ZNF765: variants seen among roughly 807,000 people sequenced by gnomAD.
ZNF765 encodes zinc finger protein 765.
In ZNF765, 37 loss-of-function variants were observed where a neutral mutation model predicts 44.7. The ratio of observed to expected loss-of-function variants is 0.83; its 90% CI spans 0.64 to 1.09. The LOEUF (loss-of-function observed/expected upper bound fraction) is 1.09, where lower values mean the gene tolerates loss of function less well. ZNF765 is among the 50% of genes least tolerant of loss of function. ZNF765 has a pLI of 0.00. For synonymous variants in ZNF765, 201 were observed against 213.7 expected, an observed-to-expected ratio of 0.94 and a Z score of 0.52; for missense variants, 594 against 626.1, an observed-to-expected ratio of 0.95 and a Z score of 0.55.
chr19:53,402,404 C>A (rs950977228), intron 3 of ZNF765, among the ~76,000 whole-genome samples: 5 of 151,756 alleles, frequency 3.3e-5, no homozygotes, highest in Non-Finnish European at 7.4e-5. Context: ...CTACAGGCAC[C>A]CACCAACATG....
At position 53,403,670 on chromosome 19, in the gene ZNF765, T is replaced by A. The variant is rs568857808; in HGVS notation, c.142+1479T>A. 2.6e-5 allele frequency among the ~76,000 whole-genome samples: 4 copies of A among 152,200 alleles called. No individual in the cohort carries two copies. In the East Asian group the frequency reaches 7.7e-4, roughly 29 times the overall value. On this transcript the variant is annotated intron_variant, in intron 3 of 3. Coordinates refer to ENST00000396408, the MANE Select transcript of ZNF765 (RefSeq NM_001040185.3). ...ACCAGCCTGCCTAACATGGCGAAACTCCGTCTCTACTAAAACACACAAATT... is the reference window on the plus strand; with the variant it reads ...ACCAGCCTGCCTAACATGGCGAAACACCGTCTCTACTAAAACACACAAATT...
intron 3 of ZNF765, among the ~76,000 whole-genome samples, chr19:53,422,794 C>T (rs2085914932): frequency 6.6e-6 from 1 of 152,122 alleles, no homozygotes; most frequent in Non-Finnish European, 1.5e-5. Flanking sequence ...TGAGAACTGA[C>T]AGAATGGCTG....
Position 53,402,184 on chromosome 19 carries a change from C to T in ZNF765, c.135C>T (p.Val45=), listed in dbSNP as rs185225041. ...DVMLENYRNL[V]SLDISSKCMM... ...TGCTGGAGAATTATAGGAACCTGGTCTCCCTGGGTGAGGATGACTTCCCTC... is the reference window on the plus strand; with the variant it reads ...TGCTGGAGAATTATAGGAACCTGGTTTCCCTGGGTGAGGATGACTTCCCTC... The change falls in exon 3 of 4, where the codon GTC becomes GTT. Residue 45 remains valine (V), a synonymous_variant. Coordinates refer to ENST00000396408, the MANE Select transcript of ZNF765 (RefSeq NM_001040185.3). 3.2e-3 allele frequency: 5,135 copies of T among 1,613,020 alleles called. 8 individuals carry two copies. The highest frequency in any genetic ancestry group is 4.1e-3 in the Non-Finnish European group (4,825 of 1,179,846).
At position 53,409,833 on chromosome 19, in the gene ZNF765, A is replaced by C. The variant is rs2085817098; in HGVS notation, c.*706A>C. ...TTTAGTCTGAAGTCATACCTTACGC[A>C]CCATCGTAGACTTCATACTGGAGAG... On this transcript the variant is annotated 3_prime_UTR_variant, in exon 4 of 4. Transcript: ENST00000396408. The C allele has an allele frequency of 1.6e-5, 11 of 684,214 alleles. No individual in the cohort carries two copies. The highest frequency in any genetic ancestry group is 2.5e-5 in the Non-Finnish European group (9 of 362,046). The allele number at this position is 684,214 out of a possible 1,614,324, so 42.4% of individuals were successfully genotyped here.
At chr19:53,415,546 T>G (rs1336845427), downstream of ZNF765, among the ~76,000 whole-genome samples, 1 of 143,556 alleles carries the variant, frequency 7.0e-6, no homozygotes, top group Admixed American at 7.5e-5. Context: ...TTTAAATATT[T>G]TATTACGTTT....
chr19:53,403,821 G>A (rs2085750833), intron 3 of ZNF765, among the ~76,000 whole-genome samples: 1 of 141,870 alleles, frequency 7.0e-6, no homozygotes. Context: ...CAGCCTGGGT[G>A]ACAGCACGAG....
downstream of ZNF765, among the ~76,000 whole-genome samples, chr19:53,414,612 G>T (rs1243910061): frequency 6.7e-6 from 1 of 150,234 alleles, no homozygotes; most frequent in Admixed American, 6.7e-5. Flanking sequence ...TTCTTTTCTG[G>T]CCTTCTACGG....
Position 53,409,040 on chromosome 19 carries a change from A to G in ZNF765, c.1485A>G (p.Lys495=). ...TTCATACTGGACAGAAACCTTACAA[A>G]TGTGAAGATTGTGATGAAGCTTTCA... ...HRLHTGQKPY[K]CEDCDEAFSF... is the part of the protein sequence containing the mutation. The change falls in exon 4 of 4, where the codon AAA becomes AAG. Residue 495 remains lysine (K), a synonymous_variant. Coordinates refer to ENST00000396408, the MANE Select transcript of ZNF765 (RefSeq NM_001040185.3). The G allele has an allele frequency of 3.1e-6, 5 of 1,613,920 alleles. No individual in the cohort carries two copies. The highest frequency in any genetic ancestry group is 4.2e-6 in the Non-Finnish European group (5 of 1,179,964).
rs1455287873 is a variant in ZNF765, at chr19:53,409,062, T to C, written c.1507T>C (p.Phe503Leu). The change falls in exon 4 of 4, where the codon TTC becomes CTC. Residue 503 changes from phenylalanine to leucine, a missense_variant. This residue lies in a region of ZNF765 where 567 missense variants were observed against 572.6 expected (regional missense o/e 0.99). Transcript: ENST00000396408. ...PYKCEDCDEA[F>L]SFKSNLERHR... ...CAAATGTGAAGATTGTGATGAAGCT[T>C]TCAGTTTCAAATCAAACCTTGAAAG... 1.2e-6 allele frequency: 2 copies of C among 1,613,884 alleles called. No homozygotes were observed. The highest frequency in any genetic ancestry group is 1.7e-6 in the Non-Finnish European group (2 of 1,179,980).
At position 53,397,999 on chromosome 19, in the gene ZNF765, A is replaced by G. The variant is rs139648185; in HGVS notation, c.-17A>G. On this transcript the variant is annotated 5_prime_UTR_variant, in exon 2 of 4. Transcript: ENST00000396408. ...GAAGAAACCTGGAAGAGGAAGAGGA[A>G]AGCAAAGGAGTCAGGGATGGCTCTT... 415 of 1,613,192 alleles carry G rather than the reference A, an allele frequency of 2.6e-4. 1 individual carries two copies. Among genetic ancestry groups the G allele is most frequent in the Non-Finnish European group, 3.2e-4 (372 of 1,179,954 alleles).
intron 3 of ZNF765, among the ~76,000 whole-genome samples, chr19:53,403,145 G>A (rs1274783288): frequency 6.6e-6 from 1 of 150,428 alleles, no homozygotes; most frequent in Non-Finnish European, 1.5e-5. Context: ...TGGCGACAGA[G>A]CGGGACTCTG....
At chr19:53,421,288 A>T (rs2085905682) in intron 3 of ZNF765, among the ~76,000 whole-genome samples, 1 of 152,048 alleles carries the variant, frequency 6.6e-6, no homozygotes, top group Non-Finnish European at 1.5e-5. Context: ...CCCCTCTCGG[A>T]GATGGTAGAG....
chr19:53,414,490 C>CACACACACA (rs1568786145), downstream of ZNF765, among the ~76,000 whole-genome samples: 2 of 17,258 alleles, frequency 1.2e-4, no homozygotes, highest in Non-Finnish European at 2.9e-4. Flanking sequence ...CACACACACA[C>CACACACACA]CCCCCCCCCC....
chr19:53,404,476 G>A (rs12974014), intron 3 of ZNF765, among the ~76,000 whole-genome samples: 21,185 of 151,560 alleles, frequency 0.14, 1,667 homozygotes, highest in South Asian at 0.19. Context: ...TTTTTAAGAC[G>A]GAGTCTCGGT....
At chr19:53,399,627 G>C (rs1413704789) in intron 2 of ZNF765, among the ~76,000 whole-genome samples, 1 of 151,606 alleles carries the variant, frequency 6.6e-6, no homozygotes, top group Non-Finnish European at 1.5e-5. Flanking sequence ...ATTGCAGTGA[G>C]CTGAGATTGT....
In ZNF765 at chr19:53,408,569, G is replaced by A. The variant is rs879120214; in HGVS notation, c.1014G>A (p.Gln338=). The A allele has an allele frequency of 6.2e-7, 1 of 1,611,798 alleles. No individual in the cohort carries two copies. Among genetic ancestry groups the A allele is most frequent in the Non-Finnish European group, 8.5e-7 (1 of 1,178,890 alleles). The change falls in exon 4 of 4, where the codon CAG becomes CAA. Residue 338 remains glutamine, a synonymous_variant. Coordinates refer to ENST00000396408, the MANE Select transcript of ZNF765 (RefSeq NM_001040185.3). ...ATGAGTGTGGCAAGACCTTTAGTCA[G>A]AAGTCGTACCTTACATGCCATCGTA... ...KCNECGKTFS[Q]KSYLTCHRRL... is the part of the protein sequence containing the mutation.
intron 1 of ZNF765, among the ~76,000 whole-genome samples, 177 bp downstream of exon 1, chr19:53,395,370 CCTGAGG>C (rs1161400718): frequency 2.0e-4 from 31 of 152,340 alleles, no homozygotes; most frequent in African/African-American, 7.0e-4. Context: ...TTAAGGTCCC[CCTGAGG>C]CTGGTCCCGT....
At chr19:53,421,497 C>G (rs6509755) in intron 3 of ZNF765, among the ~76,000 whole-genome samples, 57,855 of 152,032 alleles carry the variant, frequency 0.38, 11,485 homozygotes, top group African/African-American at 0.5. Flanking sequence ...AGAAAATAGA[C>G]ATAATTTAAT....
In ZNF765 at chr19:53,423,188, G is replaced by C. The variant is rs2085917827; in HGVS notation, c.*86G>C. The stretch of plus-strand genomic sequence containing the variant: ...CGCCCCCAAGCACGCTGGCTCCTGT[G>C]TGTTCCTCAGCTGGCTCCTCCCTGG... On this transcript the variant is annotated 3_prime_UTR_variant, in exon 4 of 4. Transcript: ENST00000594030. The C allele has an allele frequency of 4.3e-6, 3 of 699,268 alleles. No individual in the cohort carries two copies. In the Admixed American group the frequency reaches 6.0e-5, roughly 14 times the overall value. The allele number at this position is 699,268 out of a possible 1,614,324, so 43.3% of individuals were successfully genotyped here. A position where few individuals can be genotyped will look rare whatever the true frequency, so the allele number is the denominator to read the frequency against.
Sources: allele counts gnomAD v4.1 joint callset (sites outside exome capture counted in the v4.1 genomes callset), GRCh38; gene constraint gnomAD v4.1.1; regional missense constraint gnomAD v4.1.1; transcripts MANE v1.5; gene names NCBI Gene and HGNC (gene_info 2026-07-23, HGNC 2026-07-21).